The following NAMPT variants were observed in gnomAD, a reference collection of about 807,000 sequenced individuals.
NAMPT encodes the protein nicotinamide phosphoribosyltransferase, also known as NAmPRTase.
NAMPT carries 7 observed loss-of-function variants against 58.7 expected under a neutral mutation model. The observed-to-expected ratio is 0.12, with a 90% confidence interval of 0.07 to 0.22. The LOEUF is 0.22. Among genes scored for constraint, NAMPT ranks in the 10% least tolerant of loss-of-function variants. NAMPT has a pLI of 1.00. For synonymous variants in NAMPT, 145 were observed against 198.1 expected (o/e 0.73, Z 2.25); for missense variants, 271 against 567.9 (o/e 0.48, Z 5.31).
intron 8 of NAMPT, among the ~76,000 whole-genome samples, chr7:106,258,916 C>T (rs1048411827): frequency 7.4e-6 from 1 of 134,436 alleles, no homozygotes; most frequent in African/African-American, 3.2e-5. Flanking sequence ...TCAATTGACT[C>T]TATCACGAAA....
chr7:106,273,780 C>T (rs1350539191), intron 3 of NAMPT, among the ~76,000 whole-genome samples: 2 of 152,070 alleles, frequency 1.3e-5, no homozygotes, highest in Non-Finnish European at 2.9e-5. Flanking sequence ...ATTCTATTGA[C>T]CTTATTTAAG....
At chr7:106,253,891 C>A (rs1383953655) in intron 9 of NAMPT, among the ~76,000 whole-genome samples, 2 of 152,100 alleles carry the variant, frequency 1.3e-5, no homozygotes, top group African/African-American at 4.8e-5. Context: ...CAAGACGTTA[C>A]AAAGAAGCAA....
At chr7:106,254,326 G>A (rs747680765) in intron 9 of NAMPT, 38 bp downstream of exon 9, 1 of 1,606,180 alleles carries the variant, frequency 6.2e-7, no homozygotes, top group Non-Finnish European at 8.5e-7. Flanking sequence ...GATACATAAG[G>A]AAGGTAGTAA....
intron 6 of NAMPT, among the ~76,000 whole-genome samples, chr7:106,266,874 T>C (rs1245809943): frequency 1.3e-5 from 2 of 152,322 alleles, no homozygotes; most frequent in East Asian, 3.9e-4. Context: ...TGATTTAGAA[T>C]AGCTAGCATG....
chr7:106,283,357 G>C (rs1234705770), intron 1 of NAMPT, among the ~76,000 whole-genome samples: 2 of 151,960 alleles, frequency 1.3e-5, no homozygotes, highest in East Asian at 1.9e-4. Flanking sequence ...ATAATGGTTA[G>C]AGGAACTGCA....
In NAMPT at chr7:106,261,536, A is replaced by G. The variant is rs114044586; in HGVS notation, c.1089+52T>C. On this transcript the variant is annotated intron_variant, in intron 8 of 10. Coordinates refer to ENST00000222553, the MANE Select transcript of NAMPT (RefSeq NM_005746.3). ...ATTGTGTTCTTTATCAAACATAAAC[A>G]AACTTAATTATAAGAAATGCCTTAT... 5,653 of 1,372,646 alleles carry G rather than the reference A, an allele frequency of 4.1e-3. 178 individuals carry two copies. In the African/African-American group the frequency reaches 0.073, roughly 18 times the overall value. The allele number at this position is 1,372,646 out of a possible 1,614,324, so 85.0% of individuals were successfully genotyped here.
chr7:106,261,508 TA>T (rs1306652228), intron 8 of NAMPT, 79 bp downstream of exon 8: 4 of 1,135,288 alleles, frequency 3.5e-6, no homozygotes, highest in Non-Finnish European at 5.1e-6. Flanking sequence ...AAATTGTATT[TA>T]TATTGTGTTC....
At position 106,262,016 on chromosome 7, in the gene NAMPT, AATAAGT is replaced by A. The variant is rs372971340; in HGVS notation, c.970-315_970-310del. 5.2e-3 allele frequency among the ~76,000 whole-genome samples: 792 copies of A among 152,230 alleles called. 7 individuals carry two copies. Among genetic ancestry groups the A allele is most frequent in the African/African-American group, 0.018 (753 of 41,572 alleles). ...AAGGAAAAAAAAATCCTTAATATTA[AATAAGT>A]ATATTTTAAAGAAGTATATAAAGCA... On this transcript the variant is annotated intron_variant, in intron 7 of 10. Coordinates refer to ENST00000222553, the MANE Select transcript of NAMPT (RefSeq NM_005746.3).
intron 4 of NAMPT, chr7:106,270,457 A>G (rs544883488): frequency 4.7e-6 from 1 of 212,678 alleles, no homozygotes; most frequent in South Asian, 5.4e-5. Context: ...CATCTTTTTA[A>G]AAAACTACTT....
chr7:106,284,736 CA>C, intron 1 of NAMPT, 91 bp downstream of exon 1: 7 of 787,908 alleles, frequency 8.9e-6, no homozygotes, highest in Non-Finnish European at 8.6e-6. Flanking sequence ...GCCCCAGCCC[CA>C]ACCCCAGCCC....
chr7:106,272,880 T>A (rs1188088282), intron 3 of NAMPT, among the ~76,000 whole-genome samples: 1 of 152,260 alleles, frequency 6.6e-6, no homozygotes, highest in Non-Finnish European at 1.5e-5. Context: ...AGTTTAATGC[T>A]GCCACGTGCT....
At chr7:106,269,058 A>G in intron 5 of NAMPT, 96 bp downstream of exon 5, 1 of 1,184,260 alleles carries the variant, frequency 8.4e-7, no homozygotes, top group Non-Finnish European at 1.2e-6. Flanking sequence ...GAATTTTAGA[A>G]CCAAGATCAA....
intron 4 of NAMPT, chr7:106,272,208 G>A (rs887010830): frequency 3.6e-6 from 1 of 279,814 alleles, no homozygotes; most frequent in African/African-American, 2.3e-5. Context: ...TAAGTTACTA[G>A]AAATGTGCTG....
chr7:106,252,824 C>A (rs1036796589), intron 10 of NAMPT, among the ~76,000 whole-genome samples, 193 bp downstream of exon 10: 1 of 152,136 alleles, frequency 6.6e-6, no homozygotes, highest in Non-Finnish European at 1.5e-5. Context: ...TATGTATACA[C>A]AGGCCCCGTG....
At chr7:106,277,453 T>C (rs1467171583) in intron 1 of NAMPT, among the ~76,000 whole-genome samples, 1 of 152,162 alleles carries the variant, frequency 6.6e-6, no homozygotes, top group East Asian at 1.9e-4. Context: ...TCATTTGGTT[T>C]TGGGGAACAG....
chr7:106,284,529 GCGCCCGGGAGTCCGCTGGGGCC>G (rs1374685487), intron 1 of NAMPT: 1 of 157,074 alleles, frequency 6.4e-6, no homozygotes, highest in African/African-American at 2.4e-5. Context: ...CCGAGCACCG[GCGCCCGGGAGTCCGCTGGGGCC>G]CGCCTCAGCC....
intron 4 of NAMPT, among the ~76,000 whole-genome samples, chr7:106,269,533 C>T (rs1341579419): frequency 6.6e-6 from 1 of 152,282 alleles, no homozygotes; most frequent in East Asian, 1.9e-4. Context: ...ACCAGGTCCA[C>T]ATAGCAGAGA....
chr7:106,284,731 A>AACCCCC, intron 1 of NAMPT, 97 bp downstream of exon 1: 1 of 61,074 alleles, frequency 1.6e-5, no homozygotes. Context: ...CCCCAGCCCC[A>AACCCCC]GCCCCAACCC....
At chr7:106,269,362 C>A in intron 4 of NAMPT, 50 bp from the exon 5 acceptor site, 4 of 1,454,318 alleles carry the variant, frequency 2.8e-6, no homozygotes, top group Non-Finnish European at 1.9e-6. Flanking sequence ...ATACTGCATT[C>A]TTTCTGAGGA....
Sources: gnomAD v4.1 joint callset for allele counts (sites outside exome capture counted in the v4.1 genomes callset) on GRCh38, gnomAD v4.1.1 for gene constraint, MANE v1.5 for transcripts, NCBI Gene and HGNC (gene_info 2026-07-23, HGNC 2026-07-21) for gene names.